Variants in CREB5 observed in about 807,000 individuals in gnomAD.
CREB5 encodes cAMP responsive element binding protein 5, also known as cyclic AMP-responsive element-binding protein 5.
CREB5 carries 19 observed loss-of-function variants against 57.1 expected under a neutral mutation model. The observed-to-expected ratio is 0.33, with a 90% CI of 0.23 to 0.49. CREB5 has a LOEUF of 0.49. Ranked by LOEUF, CREB5 falls within the 20% of genes least tolerant of loss-of-function variation. CREB5 has a pLI of 0.99. For missense variants in CREB5, 579 were observed against 671.6 expected, an observed-to-expected ratio of 0.86 and a Z score of 1.52; for synonymous variants, 238 against 238.3, an observed-to-expected ratio of 1.00 and a Z score of 0.01.
At chr7:28,445,545 T>C (rs532820194) in intron 1 of CREB5, among the ~76,000 whole-genome samples, 2 of 151,594 alleles carry the variant, frequency 1.3e-5, no homozygotes, top group South Asian at 2.1e-4. Flanking sequence ...CCAATATTCT[T>C]CTTTTTCTTT....
chr7:28,724,076 A>G, intron 6 of CREB5, 146 bp from the exon 7 acceptor site: 1 of 636,998 alleles, frequency 1.6e-6, no homozygotes, highest in Non-Finnish European at 2.6e-6. Flanking sequence ...TCAGGAGGGC[A>G]TTGCTTACCA....
intron 1 of CREB5, among the ~76,000 whole-genome samples, chr7:28,423,667 G>A (rs1455203898): frequency 6.6e-6 from 1 of 152,078 alleles, no homozygotes; most frequent in Admixed American, 6.5e-5. Context: ...GTGAATTGGG[G>A]GATGGATTCT....
rs190286395 is a variant in CREB5 at position 28,774,755 on chromosome 7, C to T, written c.703-29444C>T. Reference sequence around the variant, plus strand: ...GTGACACTCCATAACTCAAATACTGCAAACCATGGGGTAGCCAAAGCAGGG... The same window carrying T: ...GTGACACTCCATAACTCAAATACTGTAAACCATGGGGTAGCCAAAGCAGGG... On this transcript the variant is annotated intron_variant, in intron 7 of 10. Coordinates refer to ENST00000357727, the MANE Select transcript of CREB5 (RefSeq NM_182898.4). Among the ~76,000 whole-genome samples the T allele has an allele frequency of 9.1e-4, 138 of 152,300 alleles. 1 individual carries two copies. Among genetic ancestry groups the T allele is most frequent in the African/African-American group, 3.2e-3 (133 of 41,556 alleles).
In CREB5 at chr7:28,412,775, T is replaced by G. The variant is rs1787858859; in HGVS notation, c.-140T>G. Reference sequence around the variant, plus strand: ...AAGCTAGTTTCACTATCTTCTGGTCTGAAATACTGAGGCAAATACTCAAGA... The same window carrying G: ...AAGCTAGTTTCACTATCTTCTGGTCGGAAATACTGAGGCAAATACTCAAGA... On this transcript the variant is annotated 5_prime_UTR_variant, in exon 1 of 11. Coordinates refer to ENST00000357727, the MANE Select transcript of CREB5 (RefSeq NM_182898.4). 3.0e-6 allele frequency: 2 copies of G among 656,658 alleles called. 1 individual carries two copies. Among genetic ancestry groups the G allele is most frequent in the African/African-American group, 3.7e-5 (2 of 54,514 alleles). The allele number at this position is 656,658 out of a possible 1,614,324, so 40.7% of individuals were successfully genotyped here. A position where few individuals can be genotyped will look rare whatever the true frequency, so the allele number is the denominator to read the frequency against.
At chr7:28,637,010 C>T (rs954453563) in intron 5 of CREB5, among the ~76,000 whole-genome samples, 2 of 151,844 alleles carry the variant, frequency 1.3e-5, no homozygotes, top group African/African-American at 4.8e-5. Context: ...AAAAATTAGC[C>T]AGGTATGGTA....
At chr7:28,793,044 G>A (rs1807819277) in intron 7 of CREB5, among the ~76,000 whole-genome samples, 1 of 152,152 alleles carries the variant, frequency 6.6e-6, no homozygotes, top group African/African-American at 2.4e-5. Flanking sequence ...AAGGAAGTAA[G>A]GCAGGTGCTT....
At chr7:28,729,226 C>T (rs182653167) in intron 7 of CREB5, among the ~76,000 whole-genome samples, 51 of 152,214 alleles carry the variant, frequency 3.4e-4, no homozygotes, top group African/African-American at 6.3e-4. Context: ...GTGAGGACAC[C>T]GAGGCCCACT....
At chr7:28,354,952 A>G (rs1233212400) in intron 1 of CREB5, among the ~76,000 whole-genome samples, 1 of 152,204 alleles carries the variant, frequency 6.6e-6, no homozygotes, top group Non-Finnish European at 1.5e-5. Flanking sequence ...GTTTCAGATG[A>G]CAGCATTCCT....
At chr7:28,418,582 C>T (rs1692202139) in intron 1 of CREB5, among the ~76,000 whole-genome samples, 1 of 152,136 alleles carries the variant, frequency 6.6e-6, no homozygotes, top group African/African-American at 2.4e-5. Flanking sequence ...TCAACCATAT[C>T]GCCTTTAAAG....
chr7:28,764,752 T>C (rs186530192), intron 7 of CREB5, among the ~76,000 whole-genome samples: 1 of 152,232 alleles, frequency 6.6e-6, no homozygotes, highest in African/African-American at 2.4e-5. Context: ...TTTTCATAGG[T>C]AATTGAGGAT....
chr7:28,615,465 A>G (rs1797561535), intron 5 of CREB5: 3 of 152,428 alleles, frequency 2.0e-5, no homozygotes, highest in Admixed American at 2.0e-4. Flanking sequence ...TGTTCCCCAC[A>G]GTGTCCTCGA....
At chr7:28,310,199 G>C (rs980601818) in intron 1 of CREB5, among the ~76,000 whole-genome samples, 2 of 152,124 alleles carry the variant, frequency 1.3e-5, no homozygotes, top group Admixed American at 6.5e-5. Flanking sequence ...AGGGAGTAGT[G>C]GGGGGTGAGG....
chr7:28,700,927 AAGAGT>A (rs551654652), intron 5 of CREB5, among the ~76,000 whole-genome samples: 163 of 150,994 alleles, frequency 1.1e-3, no homozygotes, highest in African/African-American at 3.5e-3. Flanking sequence ...TCATTTTTTT[AAGAGT>A]ATAATTAAGA....
At chr7:28,695,380 T>G (rs1443079676) in intron 5 of CREB5, among the ~76,000 whole-genome samples, 1 of 152,196 alleles carries the variant, frequency 6.6e-6, no homozygotes, top group Admixed American at 6.5e-5. Context: ...AATTCTGTCA[T>G]ATTGCCCAGG....
intron 1 of CREB5, among the ~76,000 whole-genome samples, chr7:28,363,149 G>T (rs1786523432): frequency 2.6e-5 from 4 of 152,112 alleles, no homozygotes; most frequent in Admixed American, 2.6e-4. Context: ...ATTTCAGGAG[G>T]ATATTTATGA....
rs559367849 is a variant in CREB5 at position 28,803,700 on chromosome 7, G to C, written c.703-499G>C. ...GAAGCTGGGAGGCGGAGGTTGCAGT[G>C]AGCCGAGATCGCACCACTGCACTCC... On this transcript the variant is annotated intron_variant, in intron 7 of 10. Transcript: ENST00000357727. 1.5e-4 allele frequency among the ~76,000 whole-genome samples: 22 copies of C among 146,328 alleles called. 1 individual carries two copies. The South Asian group carries it at 3.2e-3, about 22-fold the overall frequency.
intron 8 of CREB5, among the ~76,000 whole-genome samples, chr7:28,805,200 A>G (rs184606032): frequency 6.6e-6 from 1 of 152,276 alleles, no homozygotes; most frequent in East Asian, 1.9e-4. Flanking sequence ...CCAGTGGGTG[A>G]GAGTCACCAG....
intron 7 of CREB5, among the ~76,000 whole-genome samples, chr7:28,783,785 C>T (rs1474207808): frequency 1.3e-5 from 2 of 152,104 alleles, no homozygotes; most frequent in South Asian, 2.1e-4. Context: ...TAACTCTAAC[C>T]GGTAGCCTCA....
chr7:28,813,892 T>G (rs59922368), intron 9 of CREB5, among the ~76,000 whole-genome samples: 46,351 of 152,030 alleles, frequency 0.3, 8,121 homozygotes, highest in African/African-American at 0.49. Flanking sequence ...AATGAAAAAA[T>G]GAAGAGTTGA....
Sources: gnomAD v4.1 joint callset for allele counts (sites outside exome capture counted in the v4.1 genomes callset) on GRCh38, gnomAD v4.1.1 for gene constraint, MANE v1.5 for transcripts, NCBI Gene and HGNC (gene_info 2026-07-23, HGNC 2026-07-21) for gene names.